The following GATM variants were observed in gnomAD, a reference collection of about 807,000 sequenced individuals.
GATM encodes the protein glycine amidinotransferase.
GATM carries 23 observed loss-of-function variants against 54.2 expected under a neutral mutation model. The observed-to-expected ratio is 0.42, with a 90% confidence interval of 0.31 to 0.60. The LOEUF is 0.60. GATM is among the 20% of genes least tolerant of loss of function. GATM has a pLI of 0.14. For missense variants in GATM, 401 were observed against 544.9 expected (o/e 0.74, Z 2.63); for synonymous variants, 168 against 183.1 (o/e 0.92, Z 0.67).
exon 1 of GATM, chr15:45,402,215 ATT>A: frequency 1.6e-6 from 1 of 637,798 alleles, no homozygotes; most frequent in Non-Finnish European, 2.5e-6. Flanking sequence ...AGGCAACTCG[ATT>A]TCACGAAAGC....
Position 45,366,908 on chromosome 15 carries a change from GC to G in GATM, c.676-401del, listed in dbSNP as rs1889458476. Among the ~76,000 whole-genome samples, 3 of 152,134 alleles carry G rather than the reference GC, an allele frequency of 2.0e-5. No homozygotes were observed. The South Asian group carries it at 6.2e-4, about 32-fold the overall frequency. ...ATTATTGTTGTTAGGCTCTTACTGTGCCTAATTTGTAAATTAAACTTTATCA... is the reference window on the plus strand; with the variant it reads ...ATTATTGTTGTTAGGCTCTTACTGTGCTAATTTGTAAATTAAACTTTATCA... On this transcript the variant is annotated intron_variant, in intron 4 of 8. Transcript: ENST00000396659.
chr15:45,399,838 T>C (rs946713785), intron 1 of GATM, among the ~76,000 whole-genome samples: 1 of 152,226 alleles, frequency 6.6e-6, no homozygotes, highest in South Asian at 2.1e-4. Flanking sequence ...AGTGCTTTAA[T>C]TGATGTTCTT....
intron 1 of GATM, among the ~76,000 whole-genome samples, chr15:45,400,304 T>A (rs1342844648): frequency 1.3e-5 from 2 of 152,218 alleles, no homozygotes; most frequent in Non-Finnish European, 2.9e-5. Context: ...ATATGGATGT[T>A]CAGATGGCTG....
intron 3 of GATM, among the ~76,000 whole-genome samples, chr15:45,395,332 G>C (rs1350812198): frequency 6.6e-6 from 1 of 151,926 alleles, no homozygotes; most frequent in Non-Finnish European, 1.5e-5. Context: ...ATATACCTTA[G>C]GTATAAAACC....
chr15:45,392,396 A>G (rs1474951094), intron 3 of GATM, among the ~76,000 whole-genome samples: 1 of 152,210 alleles, frequency 6.6e-6, no homozygotes, highest in Non-Finnish European at 1.5e-5. Flanking sequence ...TGTGTGTGTA[A>G]TGTTTCAAAA....
In GATM at chr15:45,376,807, A is replaced by G; in HGVS notation, c.82T>C (p.Leu28=). The change falls in exon 2 of 9, where the codon TTG becomes CTG. Residue 28 remains leucine (L), a synonymous_variant. Coordinates refer to ENST00000396659, the MANE Select transcript of GATM (RefSeq NM_001482.3). ...AAAGTTCGCTGCACCCATCCTGTCA[A>G]GGTTCGTCCAAGCTTCCAAGAACAA... ...HYIGSRLGRT[L]TGWVQRTFQS... is the part of the protein sequence containing the mutation. The G allele has an allele frequency of 6.2e-7, 1 of 1,613,904 alleles. No homozygotes were observed. The highest frequency in any genetic ancestry group is 8.5e-7 in the Non-Finnish European group (1 of 1,179,932).
At chr15:45,382,060 T>G (rs1278645004), upstream of GATM, among the ~76,000 whole-genome samples, 1 of 152,208 alleles carries the variant, frequency 6.6e-6, no homozygotes, top group South Asian at 2.1e-4. Context: ...AGACTGCATT[T>G]GCAGGGTGTG....
At chr15:45,386,774 C>T (rs370384033) in intron 3 of GATM, among the ~76,000 whole-genome samples, 50 of 152,288 alleles carry the variant, frequency 3.3e-4, no homozygotes, top group African/African-American at 1.0e-3. Context: ...GCATCCCTCT[C>T]GAATATTCTT....
chr15:45,365,460 C>T (rs1350986989), intron 6 of GATM, among the ~76,000 whole-genome samples: 1 of 152,188 alleles, frequency 6.6e-6, no homozygotes, highest in Non-Finnish European at 1.5e-5. Context: ...AACAGTGACA[C>T]AGTATAACAG....
intron 2 of GATM, among the ~76,000 whole-genome samples, chr15:45,399,359 T>C (rs1262453990): frequency 2.6e-5 from 4 of 152,228 alleles, no homozygotes; most frequent in Non-Finnish European, 5.9e-5. Context: ...CAAAATTCAT[T>C]TGTTGAAATT....
At chr15:45,367,956 G>C in intron 4 of GATM, 114 bp downstream of exon 4, 4 of 807,804 alleles carry the variant, frequency 5.0e-6, no homozygotes, top group Non-Finnish European at 8.1e-6. Flanking sequence ...ATAAGATGAT[G>C]TTTTCGGTTT....
At chr15:45,383,760 T>G (rs1486198823) in intron 3 of GATM, among the ~76,000 whole-genome samples, 1 of 152,178 alleles carries the variant, frequency 6.6e-6, no homozygotes, top group Non-Finnish European at 1.5e-5. Flanking sequence ...GCCAGGCTGG[T>G]CTCGAACTCC....
At chr15:45,370,473 T>G (rs557104268) in intron 2 of GATM, among the ~76,000 whole-genome samples, 16 of 152,304 alleles carry the variant, frequency 1.1e-4, no homozygotes, top group African/African-American at 3.8e-4. Flanking sequence ...TGTGTGACAG[T>G]GCAAATCTGC....
In GATM at chr15:45,378,507, C is replaced by A. The variant is rs984908086; in HGVS notation, c.-54G>T. On this transcript the variant is annotated 5_prime_UTR_variant, in exon 1 of 9. Transcript: ENST00000396659. ...AATGTTCCTGGCCTCTGGGCCGCGT[C>A]GGTCCAAGCCTTCCCGAGAGCGCGC... is the stretch of plus-strand genomic sequence containing the variant. 2.1e-5 allele frequency: 27 copies of A among 1,287,720 alleles called. No homozygotes were observed. The highest frequency in any genetic ancestry group is 2.6e-5 in the Non-Finnish European group (26 of 1,011,520). The allele number at this position is 1,287,720 out of a possible 1,614,324, so 79.8% of individuals were successfully genotyped here. A position where few individuals can be genotyped will look rare whatever the true frequency, so the allele number is the denominator to read the frequency against.
At position 45,366,383 on chromosome 15, in the gene GATM, T is replaced by G. The variant is rs371507418; in HGVS notation, c.801A>C (p.Ala267=). The stretch of plus-strand genomic sequence containing the variant: ...AGCCTGCGTTCACCTGGCTTCTCTG[T>G]GCAAAAATATCTCTTCCAGCTCGAA... The part of the protein sequence containing the change: ...DFIRAGRDIF[A]QRSQVTNYLG... The change falls in exon 5 of 9, where the codon GCA becomes GCC. Residue 267 remains alanine, a synonymous_variant. Coordinates refer to ENST00000396659, the MANE Select transcript of GATM (RefSeq NM_001482.3). 1.4e-5 allele frequency: 23 copies of G among 1,614,020 alleles called. No homozygotes were observed. In the African/African-American group the frequency reaches 2.8e-4, roughly 20 times the overall value.
rs752950030 is a variant in GATM, at chr15:45,368,161, G to A, written c.584C>T (p.Ala195Val). ...GTAGTCTTTGATAATTGACCTGTAC[G>A]CTCGGTACTCAAAGAAGCGTGAACG... ...AWRSRFFEYR[A>V]YRSIIKDYFH... Residue 195 changes from alanine to valine, a missense_variant, in exon 4 of 9, where the codon GCG becomes GTG. By Grantham distance (64) the Ala-to-Val change is moderately conservative. This residue lies in a region of GATM where 321 missense variants were observed against 457.5 expected (regional missense o/e 0.70). Coordinates refer to ENST00000396659, the MANE Select transcript of GATM (RefSeq NM_001482.3). This position sits in a 1 kb window ranked among gnomAD's most constrained non-coding sequence, Gnocchi z 5.1. The A allele has an allele frequency of 1.2e-5, 19 of 1,613,962 alleles. No individual in the cohort carries two copies. The highest frequency in any genetic ancestry group is 4.5e-5 in the East Asian group (2 of 44,870).
At position 45,369,525 on chromosome 15, in the gene GATM, G is replaced by T; in HGVS notation, c.289-4C>A. On this transcript the variant is annotated splice_region_variant and splice_polypyrimidine_tract_variant and intron_variant, in intron 2 of 8. Coordinates refer to ENST00000396659, the MANE Select transcript of GATM (RefSeq NM_001482.3). ...AGTACTTTTCATATGTGTTGGCCTG[G>T]AAGTAGAAGCAAATAAACACAATAC... The T allele has an allele frequency of 6.2e-7, 1 of 1,613,228 alleles. No individual in the cohort carries two copies. Among genetic ancestry groups the T allele is most frequent in the Non-Finnish European group, 8.5e-7 (1 of 1,179,352 alleles).
intron 3 of GATM, among the ~76,000 whole-genome samples, chr15:45,384,363 G>A (rs1362568151): frequency 6.6e-6 from 1 of 152,140 alleles, no homozygotes; most frequent in Non-Finnish European, 1.5e-5. Context: ...AACTTATGTG[G>A]GTCAGCTAGA....
At chr15:45,378,022 G>C in intron 1 of GATM, 1 of 214,208 alleles carries the variant, frequency 4.7e-6, no homozygotes. Context: ...AGCCTCCGTC[G>C]TCCCAACCCC....
Sources: allele counts gnomAD v4.1 joint callset (sites outside exome capture counted in the v4.1 genomes callset), GRCh38; gene constraint gnomAD v4.1.1; regional missense constraint gnomAD v4.1.1; non-coding constraint Gnocchi (gnomAD v3.1); transcripts MANE v1.5; gene names NCBI Gene and HGNC (gene_info 2026-07-23, HGNC 2026-07-21).